CORO7: variants seen among roughly 807,000 people sequenced by gnomAD.
CORO7 encodes the protein coronin-7.
CORO7 carries 107 observed loss-of-function variants against 126.6 expected under a neutral mutation model. The observed-to-expected ratio is 0.85, with a 90% confidence interval of 0.72 to 0.99. CORO7 has a LOEUF of 0.99. CORO7 is among the 50% of genes least tolerant of loss of function. CORO7 has a pLI of 0.00. For synonymous variants in CORO7, 603 were observed against 536.8 expected (o/e 1.12, Z -1.70); for missense variants, 1,314 against 1,255.8 (o/e 1.05, Z -0.70).
intron 6 of CORO7, among the ~76,000 whole-genome samples, chr16:4,405,122 C>T (rs1303587015): frequency 6.6e-6 from 1 of 152,228 alleles, no homozygotes; most frequent in African/African-American, 2.4e-5. Flanking sequence ...AAGTCACCTC[C>T]CCAGCAACTG....
intron 9 of CORO7, among the ~76,000 whole-genome samples, chr16:4,371,067 G>C (rs921852659): frequency 2.0e-5 from 3 of 152,218 alleles, no homozygotes; most frequent in Non-Finnish European, 4.4e-5. Flanking sequence ...AAGGGCCACT[G>C]TCAACTGCAG....
At chr16:4,388,142 A>G in intron 8 of CORO7, 74 bp from the exon 9 acceptor site, 2 of 1,544,682 alleles carry the variant, frequency 1.3e-6, no homozygotes, top group Non-Finnish European at 1.8e-6. Flanking sequence ...CAGGGAAACC[A>G]GCGCCTGAGG....
At position 4,408,194 on chromosome 16, in the gene CORO7, G is replaced by A. The variant is rs375730527; in HGVS notation, c.290C>T (p.Ser97Leu). 11 of 1,614,190 alleles carry A rather than the reference G, an allele frequency of 6.8e-6. No individual in the cohort carries two copies. Among genetic ancestry groups the A allele is most frequent in the African/African-American group, 2.7e-5 (2 of 75,046 alleles). ...PFDDFLLATG[S>L]ADRTVKLWRL... ...GGCTCCACTCACCGTCCTGTCAGCC[G>A]AGCCTGTGGCCAGGAGGAAGTCATC... Residue 97 changes from serine (S) to leucine (L), a missense_variant, in exon 4 of 28, where the codon TCG (serine) becomes TTG (leucine). Coordinates refer to ENST00000251166, the MANE Select transcript of CORO7 (RefSeq NM_024535.5).
rs189904057 is a variant in CORO7, at chr16:4,410,275, A to G, written c.233-2024T>C. On this transcript the variant is annotated intron_variant, in intron 3 of 27. Transcript: ENST00000251166. ...CCCCATCTCCACAAAACATAAAAAA[A>G]TCAGCTGGGCATGGTGGTGTGTGCC... Among the ~76,000 whole-genome samples, 6 of 152,304 alleles carry G rather than the reference A, an allele frequency of 3.9e-5. No individual in the cohort carries two copies. In the East Asian group the frequency reaches 1.2e-3, roughly 29 times the overall value.
intron 1 of CORO7, among the ~76,000 whole-genome samples, chr16:4,416,193 G>T (rs1269725158): frequency 4.6e-5 from 7 of 152,146 alleles, no homozygotes; most frequent in African/African-American, 1.7e-4. Flanking sequence ...GCGCCGCCTC[G>T]GGGGTCCCGG....
At chr16:4,369,581 G>A (rs1476962779) in intron 9 of CORO7, among the ~76,000 whole-genome samples, 3 of 152,202 alleles carry the variant, frequency 2.0e-5, no homozygotes, top group Non-Finnish European at 4.4e-5. Context: ...GGAGGCACGA[G>A]CAGTTTCAGC....
chr16:4,405,479 C>T lies in CORO7; in HGVS notation c.564+12G>A. On this transcript the variant is annotated intron_variant, in intron 6 of 27. Transcript: ENST00000251166. ...ACAGAGCCCCACAGGGCATCCCCAC[C>T]TGCCTGCTCACCTTGCACGCCGTGC... The T allele has an allele frequency of 6.2e-7, 1 of 1,610,926 alleles. No homozygotes were observed. Among genetic ancestry groups the T allele is most frequent in the South Asian group, 1.1e-5 (1 of 90,956 alleles).
intron 25 of CORO7, 104 bp downstream of exon 25, chr16:4,357,864 A>G: frequency 3.3e-6 from 5 of 1,510,970 alleles, no homozygotes; most frequent in Non-Finnish European, 4.4e-6. Flanking sequence ...CCCAAAGGCC[A>G]GAGGATTCTG....
Position 4,357,151 on chromosome 16 carries a change from C to T in CORO7, c.2685+17G>A, listed in dbSNP as rs762720988. 5.6e-6 allele frequency: 9 copies of T among 1,613,672 alleles called. No homozygotes were observed. Among genetic ancestry groups the T allele is most frequent in the Non-Finnish European group, 7.6e-6 (9 of 1,179,982 alleles). ...GGACTCTGTCACCTCCGCACAGCTG[C>T]TCTCTCCCATGCCTACCTCCTCCTT... On this transcript the variant is annotated intron_variant, in intron 26 of 27. Transcript: ENST00000251166.
intron 9 of CORO7, among the ~76,000 whole-genome samples, chr16:4,368,388 C>G: frequency 6.6e-6 from 1 of 151,926 alleles, no homozygotes; most frequent in East Asian, 1.9e-4. Flanking sequence ...GTAGTGCACA[C>G]CTGTGGTCCA....
Position 4,364,372 on chromosome 16 carries a change from C to T in CORO7, c.1179G>A (p.Pro393=), listed in dbSNP as rs141976560. 2.0e-4 allele frequency: 299 copies of T among 1,516,606 alleles called. 2 individuals are homozygous for T. In the African/African-American group the frequency reaches 3.6e-3, roughly 18 times the overall value. 93.9% of individuals were successfully genotyped at this position (1,516,606 alleles called of 1,614,324 possible). A position where few individuals can be genotyped will look rare whatever the true frequency, so the allele number is the denominator to read the frequency against. The change falls in exon 14 of 28, where the codon CCG becomes CCA. Residue 393 remains proline, a synonymous_variant. Transcript: ENST00000251166. The part of the protein sequence containing the change: ...VSLNPACRPH[P]SFTSCLVPPA... Reference sequence around the variant, plus strand: ...GGGGCACCAGACAGGAAGTGAAGCTCGGGTGGGGCCGGCAGGCGGGGTTGA... The same window carrying T: ...GGGGCACCAGACAGGAAGTGAAGCTTGGGTGGGGCCGGCAGGCGGGGTTGA...
chr16:4,371,438 C>G (rs375120290), intron 9 of CORO7, among the ~76,000 whole-genome samples: 1 of 152,216 alleles, frequency 6.6e-6, no homozygotes, highest in Non-Finnish European at 1.5e-5. Flanking sequence ...AAAGCTCTAG[C>G]TGGCCCGGGC....
At chr16:4,357,052 G>A (rs1303795569) in intron 26 of CORO7, 116 bp downstream of exon 26, 22 of 1,334,924 alleles carry the variant, frequency 1.6e-5, no homozygotes, top group Non-Finnish European at 2.2e-5. Context: ...GGTGTGAAGG[G>A]GACGTGACAT....
At chr16:4,399,684 G>T (rs1436958419) in intron 6 of CORO7, among the ~76,000 whole-genome samples, 1 of 152,122 alleles carries the variant, frequency 6.6e-6, no homozygotes, top group African/African-American at 2.4e-5. Flanking sequence ...GAGCCCAGGA[G>T]TTTGAGACCA....
At chr16:4,374,967 G>A (rs1021379049) in intron 9 of CORO7, among the ~76,000 whole-genome samples, 4 of 152,018 alleles carry the variant, frequency 2.6e-5, no homozygotes, top group South Asian at 2.1e-4. Context: ...AGGAGGCCCC[G>A]TGTGAGGGCC....
At chr16:4,360,643 C>CCTCCTCACTGCTGTTCCCGCCT in intron 19 of CORO7, 95 bp from the exon 20 acceptor site, 8 of 1,440,070 alleles carry the variant, frequency 5.6e-6, no homozygotes, top group South Asian at 1.3e-5. Flanking sequence ...TGGCGCCGCC[C>CCTCCTCACTGCTGTTCCCGCCT]CTCCTCACTG....
At chr16:4,376,629 C>T (rs1262412434) in intron 9 of CORO7, among the ~76,000 whole-genome samples, 1 of 152,158 alleles carries the variant, frequency 6.6e-6, no homozygotes, top group African/African-American at 2.4e-5. Flanking sequence ...TCCCCTGGCC[C>T]GTCCCCGCCT....
intron 6 of CORO7, among the ~76,000 whole-genome samples, chr16:4,397,647 C>G (rs2055648510): frequency 1.3e-5 from 2 of 151,982 alleles, no homozygotes; most frequent in Admixed American, 6.6e-5. Flanking sequence ...GAGTTTCATT[C>G]TTGTCACCCA....
At chr16:4,391,914 G>A (rs537202236) in intron 7 of CORO7, among the ~76,000 whole-genome samples, 3 of 152,332 alleles carry the variant, frequency 2.0e-5, no homozygotes, top group South Asian at 2.1e-4. Flanking sequence ...TGTCAGCCCC[G>A]CAGGGGGTGC....
Sources: allele counts gnomAD v4.1 joint callset (sites outside exome capture counted in the v4.1 genomes callset), GRCh38; gene constraint gnomAD v4.1.1; transcripts MANE v1.5; gene names NCBI Gene and HGNC (gene_info 2026-07-23, HGNC 2026-07-21).